EDC4: variants seen among roughly 807,000 people sequenced by gnomAD.
EDC4 encodes the protein enhancer of mRNA decapping 4.
In EDC4, 64 loss-of-function variants were observed where a neutral mutation model predicts 155.8. The observed-to-expected ratio is 0.41, with a 90% CI of 0.34 to 0.51. The LOEUF (loss-of-function observed/expected upper bound fraction) is 0.51. EDC4 is among the 20% of genes least tolerant of loss of function. The probability of loss-of-function intolerance (pLI) is 0.19; values close to 1 mark genes in which losing one functional copy is unlikely to be tolerated. For synonymous variants in EDC4, 684 were observed against 716.8 expected (o/e 0.95, Z 0.73); for missense variants, 1,303 against 1,812.5 (o/e 0.72, Z 5.10).
rs1211981093 is a variant in EDC4 at position 67,879,895 on chromosome 16, A to G, written c.1867A>G (p.Ser623Gly). The G allele has an allele frequency of 6.2e-7, 1 of 1,611,984 alleles. No homozygotes were observed. Residue 623 changes from serine (S) to glycine (G), a missense_variant, in exon 16 of 29, where the codon AGC becomes GGC. Around this residue, in one of 5 missense-constraint regions of EDC4, gnomAD observed 391 missense variants for 445.4 expected, o/e 0.88. Coordinates refer to ENST00000358933, the MANE Select transcript of EDC4 (RefSeq NM_014329.5). This position sits in a 1 kb window ranked among gnomAD's most constrained non-coding sequence, Gnocchi z 6.0. ...CAGCAGCAGCGGTAGCAGCAGCAGC[A>G]GCAGCAGTAGCAGCAGCTCCCTTAC... is the stretch of plus-strand genomic sequence containing the variant. The part of the protein sequence containing the change: ...SSSSSGSSSS[S>G]SSSSSSLTAV...
Position 67,879,974 on chromosome 16 carries a change from G to A in EDC4, c.1943+3G>A. 6.2e-7 allele frequency: 1 copy of A among 1,605,620 alleles called. No individual in the cohort carries two copies. Among genetic ancestry groups the A allele is most frequent in the African/African-American group, 1.3e-5 (1 of 74,920 alleles). On this transcript the variant is annotated splice_donor_region_variant and intron_variant, in intron 16 of 28. Transcript: ENST00000358933. The surrounding 1 kb of genome is among the most constrained non-coding windows in gnomAD (Gnocchi z 6.0). ...GCTGTGGACCCCTCCTTGACCAGGT[G>A]AGGCAAGGGTCAGAGATGGAGGATG...
Position 67,876,390 on chromosome 16 carries a change from T to C in EDC4, c.240-98T>C. The stretch of plus-strand genomic sequence containing the variant: ...CAGGCGAAGCTGACATTGGACTAGA[T>C]ACCTTCCCCAGTCTGGCTATGTCCT... On this transcript the variant is annotated intron_variant, in intron 2 of 28. Coordinates refer to ENST00000358933, the MANE Select transcript of EDC4 (RefSeq NM_014329.5). This position sits in a 1 kb window ranked among gnomAD's most constrained non-coding sequence, Gnocchi z 5.8. 5 of 1,514,838 alleles carry C rather than the reference T, an allele frequency of 3.3e-6. No individual in the cohort carries two copies. The highest frequency in any genetic ancestry group is 4.4e-6 in the Non-Finnish European group (5 of 1,127,214). 93.8% of individuals were successfully genotyped at this position (1,514,838 alleles called of 1,614,324 possible). A position where few individuals can be genotyped will look rare whatever the true frequency, so the allele number is the denominator to read the frequency against.
Position 67,877,420 on chromosome 16 carries a change from C to T in EDC4, c.641+14C>T. 1 of 1,611,560 alleles carries T rather than the reference C, an allele frequency of 6.2e-7. No homozygotes were observed. The highest frequency in any genetic ancestry group is 8.5e-7 in the Non-Finnish European group (1 of 1,178,426). On this transcript the variant is annotated intron_variant, in intron 5 of 28. Transcript: ENST00000358933. The surrounding 1 kb of genome is among the most constrained non-coding windows in gnomAD (Gnocchi z 4.9). ...TGGCAAAATTCAGTATCCATTCCTTCCTGTGGGTGGTGGGACTGAAGAAGG... is the reference window on the plus strand; with the variant it reads ...TGGCAAAATTCAGTATCCATTCCTTTCTGTGGGTGGTGGGACTGAAGAAGG...
Position 67,879,711 on chromosome 16 carries a change from T to C in EDC4, c.1758T>C (p.Ser586=). 6.2e-7 allele frequency: 1 copy of C among 1,614,112 alleles called. No individual in the cohort carries two copies. Among genetic ancestry groups the C allele is most frequent in the African/African-American group, 1.3e-5 (1 of 75,022 alleles). Reference sequence around the variant, plus strand: ...CTGCCGACTTCCTCAGTCTGAGCAGTGAGACCAAGCCCAAGTTGATGACAC... The same window carrying C: ...CTGCCGACTTCCTCAGTCTGAGCAGCGAGACCAAGCCCAAGTTGATGACAC... ...PAPADFLSLS[S]ETKPKLMTPD... Residue 586 remains serine (S), a synonymous_variant, in exon 15 of 29, where the codon AGT becomes AGC. Transcript: ENST00000358933. The surrounding 1 kb of genome is among the most constrained non-coding windows in gnomAD (Gnocchi z 6.0).
At position 67,879,181 on chromosome 16, in the gene EDC4, G is replaced by A. The variant is rs373597108; in HGVS notation, c.1468+44G>A. The A allele has an allele frequency of 1.9e-6, 3 of 1,614,078 alleles. No individual in the cohort carries two copies. Among genetic ancestry groups the A allele is most frequent in the African/African-American group, 2.7e-5 (2 of 74,932 alleles). On this transcript the variant is annotated intron_variant, in intron 12 of 28. Transcript: ENST00000358933. This position sits in a 1 kb window ranked among gnomAD's most constrained non-coding sequence, Gnocchi z 6.0. ...AGAGCTATGTGTCCATATATCTAGG[G>A]GGTTGTGGAGGCACAGAGAGGGCCA... is the stretch of plus-strand genomic sequence containing the variant.
Position 67,879,356 on chromosome 16 carries a change from C to G in EDC4, c.1541+47C>G. On this transcript the variant is annotated intron_variant, in intron 13 of 28. Coordinates refer to ENST00000358933, the MANE Select transcript of EDC4 (RefSeq NM_014329.5). The surrounding 1 kb of genome is among the most constrained non-coding windows in gnomAD (Gnocchi z 6.0). ...CCAGTGTCCTGTCTGTGTCTGTCTCCACTCTACTGACCCTTGCCCTTGGAG... is the reference window on the plus strand; with the variant it reads ...CCAGTGTCCTGTCTGTGTCTGTCTCGACTCTACTGACCCTTGCCCTTGGAG... 1 of 1,614,206 alleles carries G rather than the reference C, an allele frequency of 6.2e-7. No individual in the cohort carries two copies. The highest frequency in any genetic ancestry group is 8.5e-7 in the Non-Finnish European group (1 of 1,180,034).
chr16:67,875,877 A>C lies in EDC4; in HGVS notation c.83-68A>C, dbSNP rs540341063. The C allele has an allele frequency of 1.1e-5, 17 of 1,559,398 alleles. No homozygotes were observed. In the African/African-American group the frequency reaches 2.3e-4, roughly 21 times the overall value. ...GAGCACCTCATAGTTCTTGAAGGAAACTCTGAAAGGGGAGAGGCTTGTGGG... is the reference window on the plus strand; with the variant it reads ...GAGCACCTCATAGTTCTTGAAGGAACCTCTGAAAGGGGAGAGGCTTGTGGG... On this transcript the variant is annotated intron_variant, in intron 1 of 28. Transcript: ENST00000358933.
chr16:67,875,844 T>C, intron 1 of EDC4, 101 bp from the exon 2 acceptor site: 1 of 1,515,034 alleles, frequency 6.6e-7, no homozygotes, highest in Non-Finnish European at 8.8e-7. Flanking sequence ...CTCAGTTGAG[T>C]GTTCCTAGAG....
In EDC4 at chr16:67,877,523, T is replaced by G; in HGVS notation, c.656T>G (p.Val219Gly). ...VNGKIQEEILVHIRQPEGTPL... is the reference protein window; with the variant it reads ...VNGKIQEEILGHIRQPEGTPL... ...ACCCTGCTCAGAGAAGAGATCTTGG[T>G]CCATATTCGGCAGCCAGAGGGCACG... Residue 219 changes from valine to glycine, a missense_variant, in exon 6 of 29, where the codon GTC becomes GGC. Around this residue, in one of 5 missense-constraint regions of EDC4, gnomAD observed 235 missense variants for 367.7 expected, o/e 0.64. Coordinates refer to ENST00000358933, the MANE Select transcript of EDC4 (RefSeq NM_014329.5). The surrounding 1 kb of genome is among the most constrained non-coding windows in gnomAD (Gnocchi z 4.9). 6.2e-7 allele frequency: 1 copy of G among 1,614,186 alleles called. No individual in the cohort carries two copies. Among genetic ancestry groups the G allele is most frequent in the Non-Finnish European group, 8.5e-7 (1 of 1,180,038 alleles).
At position 67,883,974 on chromosome 16, in the gene EDC4, G is replaced by A; in HGVS notation, c.4032G>A (p.Val1344=). ...DLKLSYLEEA[V]MHLDHSDPIT... is the part of the protein sequence containing the mutation. The stretch of plus-strand genomic sequence containing the variant: ...TCCCCAGCTACCTGGAAGAGGCCGT[G>A]ATGCACCTGGACCACAGTGACCCCA... The change falls in exon 29 of 29, where the codon GTG becomes GTA. Residue 1344 remains valine (V), a synonymous_variant. Coordinates refer to ENST00000358933, the MANE Select transcript of EDC4 (RefSeq NM_014329.5). This position sits in a 1 kb window ranked among gnomAD's most constrained non-coding sequence, Gnocchi z 5.3. The A allele has an allele frequency of 6.2e-7, 1 of 1,602,824 alleles. No individual in the cohort carries two copies. Among genetic ancestry groups the A allele is most frequent in the Non-Finnish European group, 8.5e-7 (1 of 1,171,786 alleles).
At position 67,878,313 on chromosome 16, in the gene EDC4, T is replaced by C. The variant is rs2058050326; in HGVS notation, c.1004+38T>C. On this transcript the variant is annotated intron_variant, in intron 8 of 28. Transcript: ENST00000358933. This position sits in a 1 kb window ranked among gnomAD's most constrained non-coding sequence, Gnocchi z 5.2. Reference sequence around the variant, plus strand: ...CTCAGGGACCAGGATCCTCCCGAGGTAGCCCACCCGACCACTCACTCAGGC... The same window carrying C: ...CTCAGGGACCAGGATCCTCCCGAGGCAGCCCACCCGACCACTCACTCAGGC... 1 of 1,614,048 alleles carries C rather than the reference T, an allele frequency of 6.2e-7. No homozygotes were observed. The highest frequency in any genetic ancestry group is 8.5e-7 in the Non-Finnish European group (1 of 1,180,044).
In EDC4 at chr16:67,878,686, G is replaced by A. The variant is rs1352763759; in HGVS notation, c.1185-51G>A. On this transcript the variant is annotated intron_variant, in intron 10 of 28. Coordinates refer to ENST00000358933, the MANE Select transcript of EDC4 (RefSeq NM_014329.5). The surrounding 1 kb of genome is among the most constrained non-coding windows in gnomAD (Gnocchi z 5.2). ...GGGCAGGGGCGGCAGGGTTGGGAAT[G>A]TAGCTTCCTTCAGTTCTCAGGCTCA... 2.5e-6 allele frequency: 4 copies of A among 1,614,066 alleles called. No individual in the cohort carries two copies. Among genetic ancestry groups the A allele is most frequent in the Non-Finnish European group, 3.4e-6 (4 of 1,180,026 alleles).
Position 67,879,173 on chromosome 16 carries a change from T to C in EDC4, c.1468+36T>C. ...TCAGGGTCAGAGCTATGTGTCCATA[T>C]ATCTAGGGGGTTGTGGAGGCACAGA... is the stretch of plus-strand genomic sequence containing the variant. On this transcript the variant is annotated intron_variant, in intron 12 of 28. Transcript: ENST00000358933. This position sits in a 1 kb window ranked among gnomAD's most constrained non-coding sequence, Gnocchi z 6.0. 6.2e-7 allele frequency: 1 copy of C among 1,614,090 alleles called. No individual in the cohort carries two copies. Among genetic ancestry groups the C allele is most frequent in the Non-Finnish European group, 8.5e-7 (1 of 1,179,984 alleles).
At chr16:67,875,004 C>T (rs992179756) in intron 1 of EDC4, among the ~76,000 whole-genome samples, 1 of 152,094 alleles carries the variant, frequency 6.6e-6, no homozygotes, top group Non-Finnish European at 1.5e-5. Context: ...CCCTTGAACC[C>T]AGGGGGTAGA....
chr16:67,876,144 G>T lies in EDC4; in HGVS notation c.239+43G>T, dbSNP rs2058040409. 1 of 1,593,526 alleles carries T rather than the reference G, an allele frequency of 6.3e-7. No homozygotes were observed. The highest frequency in any genetic ancestry group is 8.6e-7 in the Non-Finnish European group (1 of 1,163,410). ...GACAATAGTGGTGATGGTGTATTTG[G>T]GGTGTCTGCTAGCTGAAGGCATGAG... On this transcript the variant is annotated intron_variant, in intron 2 of 28. Coordinates refer to ENST00000358933, the MANE Select transcript of EDC4 (RefSeq NM_014329.5). This position sits in a 1 kb window ranked among gnomAD's most constrained non-coding sequence, Gnocchi z 5.8.
In EDC4 at chr16:67,878,353, C is replaced by T. The variant is rs373896861; in HGVS notation, c.1005-7C>T. ...CTCACTCAGGCCCCTCATCTGCCTACCTGCAGGTGTCTGCACGAGTGGAAA... is the reference window on the plus strand; with the variant it reads ...CTCACTCAGGCCCCTCATCTGCCTATCTGCAGGTGTCTGCACGAGTGGAAA... On this transcript the variant is annotated splice_region_variant and splice_polypyrimidine_tract_variant and intron_variant, in intron 8 of 28. Coordinates refer to ENST00000358933, the MANE Select transcript of EDC4 (RefSeq NM_014329.5). The surrounding 1 kb of genome is among the most constrained non-coding windows in gnomAD (Gnocchi z 5.2). 1.2e-5 allele frequency: 20 copies of T among 1,614,108 alleles called. No homozygotes were observed. The African/African-American group carries it at 1.7e-4, about 14-fold the overall frequency.
chr16:67,876,821 G>A lies in EDC4; in HGVS notation c.352-52G>A. On this transcript the variant is annotated intron_variant, in intron 3 of 28. Coordinates refer to ENST00000358933, the MANE Select transcript of EDC4 (RefSeq NM_014329.5). This position sits in a 1 kb window ranked among gnomAD's most constrained non-coding sequence, Gnocchi z 5.8. ...TCTCCCATCCCCAGGGATGTTGGGG[G>A]CCACCTAGGCTCTGGGGAAGTTCCA... 1 of 1,601,016 alleles carries A rather than the reference G, an allele frequency of 6.2e-7. No individual in the cohort carries two copies. Among genetic ancestry groups the A allele is most frequent in the South Asian group, 1.1e-5 (1 of 88,610 alleles).
chr16:67,881,561 G>C lies in EDC4; in HGVS notation c.2826+28G>C. The C allele has an allele frequency of 6.2e-7, 1 of 1,611,358 alleles. No homozygotes were observed. The highest frequency in any genetic ancestry group is 8.5e-7 in the Non-Finnish European group (1 of 1,179,962). ...AAGTGAATGAGCCCACTTTGTACTT[G>C]TGGAACTTCACCCTGGGCGGGTGGA... On this transcript the variant is annotated intron_variant, in intron 21 of 28. Coordinates refer to ENST00000358933, the MANE Select transcript of EDC4 (RefSeq NM_014329.5). This position sits in a 1 kb window ranked among gnomAD's most constrained non-coding sequence, Gnocchi z 5.4.
chr16:67,875,310 G>A (rs1326499205), intron 1 of EDC4, among the ~76,000 whole-genome samples: 1 of 152,164 alleles, frequency 6.6e-6, no homozygotes, highest in Non-Finnish European at 1.5e-5. Flanking sequence ...GTGTGGGGCA[G>A]CCCCTTCCAC....
Sources: allele counts gnomAD v4.1 joint callset (sites outside exome capture counted in the v4.1 genomes callset), GRCh38; gene constraint gnomAD v4.1.1; regional missense constraint gnomAD v4.1.1; non-coding constraint Gnocchi (gnomAD v3.1); transcripts MANE v1.5; gene names NCBI Gene and HGNC (gene_info 2026-07-23, HGNC 2026-07-21).